The following OPCML variants were observed in gnomAD, a reference collection of about 807,000 sequenced individuals.
OPCML encodes opioid-binding protein/cell adhesion molecule.
Under a neutral mutation model 37.8 loss-of-function variants are expected in OPCML, and 13 were observed. The ratio of observed to expected loss-of-function variants is 0.34; its 90% CI spans 0.22 to 0.55. The LOEUF is 0.55. Among genes scored for constraint, OPCML ranks in the 20% least tolerant of loss-of-function variants. The pLI is 0.91. For missense variants in OPCML, 341 were observed against 435.6 expected (o/e 0.78, Z 1.93); for synonymous variants, 176 against 168.8 (o/e 1.04, Z -0.33).
chr11:132,761,229 C>CTTTTTT (rs71067393), intron 2 of OPCML, among the ~76,000 whole-genome samples: 22 of 122,664 alleles, frequency 1.8e-4, no homozygotes, highest in Admixed American at 3.3e-4. Flanking sequence ...CTGCGCTTAA[C>CTTTTTT]TTTTTTTTTT....
intron 2 of OPCML, among the ~76,000 whole-genome samples, chr11:132,751,679 C>G (rs1945839222): frequency 6.6e-6 from 1 of 152,202 alleles, no homozygotes; most frequent in African/African-American, 2.4e-5. Flanking sequence ...TGGCCAAGGT[C>G]AGGGAGCTAT....
chr11:133,382,292 G>T (rs1288464644), intron 1 of OPCML, among the ~76,000 whole-genome samples: 3 of 152,170 alleles, frequency 2.0e-5, no homozygotes, highest in South Asian at 2.1e-4. Flanking sequence ...CAGGCAAAAG[G>T]TTAGGCAAAT....
At chr11:132,823,492 A>G (rs1161941621) in intron 2 of OPCML, among the ~76,000 whole-genome samples, 1 of 151,640 alleles carries the variant, frequency 6.6e-6, no homozygotes, top group Non-Finnish European at 1.5e-5. Flanking sequence ...TGCTGTGGCC[A>G]TCGCCTGTCT....
chr11:133,493,928 C>T (rs148646149), intron 1 of OPCML, among the ~76,000 whole-genome samples: 6,273 of 151,460 alleles, frequency 0.041, 198 homozygotes, highest in South Asian at 0.11. Context: ...ACAGGCAACC[C>T]ACAAAATGGG....
chr11:133,070,492 C>T (rs1256701053), intron 1 of OPCML, among the ~76,000 whole-genome samples: 2 of 152,160 alleles, frequency 1.3e-5, no homozygotes, highest in African/African-American at 2.4e-5. Flanking sequence ...GATGTGATGG[C>T]CAGAGGCGGG....
At chr11:132,693,314 A>G (rs966559033) in intron 2 of OPCML, among the ~76,000 whole-genome samples, 6 of 152,204 alleles carry the variant, frequency 3.9e-5, no homozygotes, top group African/African-American at 1.4e-4. Flanking sequence ...ACCAAAAAGT[A>G]TGACCTATTG....
At chr11:132,987,942 T>A (rs1384522785) in intron 1 of OPCML, among the ~76,000 whole-genome samples, 1 of 152,244 alleles carries the variant, frequency 6.6e-6, no homozygotes, top group African/African-American at 2.4e-5. Flanking sequence ...GCACTTTGCC[T>A]CATAAGTTAG....
chr11:132,478,206 T>C (rs2096164206), intron 4 of OPCML, among the ~76,000 whole-genome samples: 1 of 152,198 alleles, frequency 6.6e-6, no homozygotes, highest in Non-Finnish European at 1.5e-5. Context: ...ATACCAATTG[T>C]TCTAAGTTTA....
intron 3 of OPCML, among the ~76,000 whole-genome samples, chr11:132,613,940 G>A (rs1938825055): frequency 1.3e-5 from 2 of 152,070 alleles, no homozygotes; most frequent in Non-Finnish European, 2.9e-5. Flanking sequence ...CTTATTTTTA[G>A]ACATGAAGTA....
intron 2 of OPCML, among the ~76,000 whole-genome samples, chr11:132,857,001 T>C (rs1183383446): frequency 6.6e-6 from 1 of 152,174 alleles, no homozygotes; most frequent in Non-Finnish European, 1.5e-5. Flanking sequence ...CTTATGCCCC[T>C]TGGATGAATT....
chr11:132,864,754 G>A (rs1033626346), intron 2 of OPCML, among the ~76,000 whole-genome samples: 15 of 152,238 alleles, frequency 9.9e-5, no homozygotes, highest in African/African-American at 3.4e-4. Context: ...TCACTTGAAA[G>A]TGGTTCTCTA....
intron 1 of OPCML, among the ~76,000 whole-genome samples, chr11:133,386,519 T>C (rs1331522252): frequency 2.0e-5 from 3 of 152,186 alleles, no homozygotes; most frequent in Non-Finnish European, 4.4e-5. Context: ...TCCTACTCTC[T>C]TATCTTAGTG....
Position 132,952,841 on chromosome 11 carries a change from G to A in OPCML, c.62-9831C>T, listed in dbSNP as rs567059677. ...GGCACGATGGCAGCTCTCCATGATG[G>A]GGGATAGTCAATTCCTTTTTTCCAT... On this transcript the variant is annotated intron_variant, in intron 1 of 7. Coordinates refer to ENST00000524381, the MANE Select transcript of OPCML (RefSeq NM_001012393.5). Among the ~76,000 whole-genome samples the A allele has an allele frequency of 4.6e-5, 7 of 152,232 alleles. No homozygotes were observed. The East Asian group carries it at 5.8e-4, about 13-fold the overall frequency.
intron 1 of OPCML, among the ~76,000 whole-genome samples, chr11:133,358,900 T>G (rs1229570307): frequency 6.6e-6 from 1 of 151,954 alleles, no homozygotes; most frequent in South Asian, 2.1e-4. Context: ...AGCAGGTGTC[T>G]GATGGGTTTA....
intron 1 of OPCML, among the ~76,000 whole-genome samples, chr11:133,327,443 G>C (rs954288264): frequency 1.5e-4 from 23 of 151,968 alleles, no homozygotes; most frequent in African/African-American, 5.6e-4. Flanking sequence ...AACTGCTCGA[G>C]GTAATTCTCT....
intron 1 of OPCML, among the ~76,000 whole-genome samples, chr11:133,248,603 G>A (rs745802457): frequency 5.9e-5 from 9 of 152,350 alleles, no homozygotes; most frequent in Non-Finnish European, 1.0e-4. Context: ...CTATGATGGC[G>A]TGGCTGCTCA....
rs535916895 is a variant in OPCML, at chr11:132,648,315, A to G, written c.379+8772T>C. ...AGCAGGAACGTGTGGGAAAAGACCTATTTACTGGAGGTATTGGCAGACAGG... is the reference window on the plus strand; with the variant it reads ...AGCAGGAACGTGTGGGAAAAGACCTGTTTACTGGAGGTATTGGCAGACAGG... On this transcript the variant is annotated intron_variant, in intron 3 of 7. Coordinates refer to ENST00000524381, the MANE Select transcript of OPCML (RefSeq NM_001012393.5). 7.5e-4 allele frequency among the ~76,000 whole-genome samples: 114 copies of G among 152,236 alleles called. 1 individual carries two copies. Among genetic ancestry groups the G allele is most frequent in the African/African-American group, 2.6e-3 (110 of 41,550 alleles).
rs188176076 is a variant in OPCML, at chr11:132,923,522, T to A, written c.146+19404A>T. On this transcript the variant is annotated intron_variant, in intron 2 of 7. Transcript: ENST00000524381. Reference sequence around the variant, plus strand: ...AAGACCTGTCATATATAGAAAGAGGTTGGGAAATAACTTTTCAGGAAGAAA... The same window carrying A: ...AAGACCTGTCATATATAGAAAGAGGATGGGAAATAACTTTTCAGGAAGAAA... Among the ~76,000 whole-genome samples the A allele has an allele frequency of 1.4e-4, 21 of 152,256 alleles. No individual in the cohort carries two copies. In the East Asian group the frequency reaches 4.1e-3, roughly 29 times the overall value.
chr11:132,958,731 C>T (rs756120288), intron 1 of OPCML, among the ~76,000 whole-genome samples: 2 of 152,330 alleles, frequency 1.3e-5, no homozygotes, highest in Admixed American at 6.5e-5. Flanking sequence ...ATAAATGGAA[C>T]AACAGAGCCT....
Sources: gnomAD v4.1 joint callset for allele counts (sites outside exome capture counted in the v4.1 genomes callset) on GRCh38, gnomAD v4.1.1 for gene constraint, MANE v1.5 for transcripts, NCBI Gene and HGNC (gene_info 2026-07-23, HGNC 2026-07-21) for gene names.